DLL1: variants seen among roughly 807,000 people sequenced by gnomAD.
DLL1 encodes delta-like protein 1.
DLL1 carries 9 observed loss-of-function variants against 75.1 expected under a neutral mutation model. The observed-to-expected ratio is 0.12, with a 90% CI of 0.07 to 0.21. The LOEUF (loss-of-function observed/expected upper bound fraction) is 0.21. Among genes scored for constraint, DLL1 ranks in the 10% least tolerant of loss-of-function variants. The pLI is 1.00. For missense variants in DLL1, 837 were observed against 1,007.6 expected (o/e 0.83, Z 2.29); for synonymous variants, 477 against 418.3 (o/e 1.14, Z -1.71).
Position 170,283,298 on chromosome 6 carries a change from G to A in DLL1, c.1981C>T (p.Arg661Cys), listed in dbSNP as rs61757616. ...CCCTGGGGCTGGCACTTGGTGTCAC[G>A]CTTGCTGTGCGCGTCCCTGACGGCG... ...DTAVRDAHSKRDTKCQPQGSS... is the reference protein window; with the variant it reads ...DTAVRDAHSKCDTKCQPQGSS... Residue 661 changes from arginine to cysteine, a missense_variant, in exon 9 of 11, where the codon CGT becomes TGT. Arg to Cys is a radical substitution (Grantham distance 180). Coordinates refer to ENST00000366756, the MANE Select transcript of DLL1 (RefSeq NM_005618.4). 1,032 of 1,613,132 alleles carry A rather than the reference G, an allele frequency of 6.4e-4. 7 individuals carry two copies. Among genetic ancestry groups the A allele is most frequent in the South Asian group, 4.1e-3 (373 of 91,076 alleles).
chr6:170,286,770 G>A (rs1353748647), intron 4 of DLL1, among the ~76,000 whole-genome samples: 7 of 151,058 alleles, frequency 4.6e-5, no homozygotes, highest in East Asian at 2.0e-4. Context: ...CCGCGCCCCC[G>A]GCCCCACCTC....
Position 170,282,787 on chromosome 6 carries a change from C to A in DLL1, c.*87G>T. 1 of 1,607,056 alleles carries A rather than the reference C, an allele frequency of 6.2e-7. No homozygotes were observed. Among genetic ancestry groups the A allele is most frequent in the Non-Finnish European group, 8.5e-7 (1 of 1,175,068 alleles). On this transcript the variant is annotated 3_prime_UTR_variant, in exon 11 of 11. Coordinates refer to ENST00000366756, the MANE Select transcript of DLL1 (RefSeq NM_005618.4). ...CAGCAGCAGTCCACGAGGCCTCCCT[C>A]CTCTTCAGCAGCATTCGTTGGGGCA...
At chr6:170,289,917 C>A in intron 1 of DLL1, 109 bp from the exon 2 acceptor site, 4 of 1,345,846 alleles carry the variant, frequency 3.0e-6, no homozygotes, top group Non-Finnish European at 3.9e-6. Context: ...AGGGGCCGAG[C>A]GCGCTCGCTG....
At chr6:170,285,807 C>T in intron 5 of DLL1, 108 bp from the exon 6 acceptor site, 1 of 1,505,142 alleles carries the variant, frequency 6.6e-7, no homozygotes, top group Non-Finnish European at 9.2e-7. Context: ...GCCTCTGGTT[C>T]TCCAGATTAG....
intron 4 of DLL1, among the ~76,000 whole-genome samples, chr6:170,287,927 T>C (rs530091963): frequency 1.3e-5 from 2 of 152,144 alleles, no homozygotes; most frequent in Non-Finnish European, 2.9e-5. Flanking sequence ...CCCTCTCTAA[T>C]ACACACACCC....
chr6:170,282,346 G>C lies in DLL1; in HGVS notation c.*528C>G, dbSNP rs998709615. ...CAAAAAAATATAGTCACATAGACCC[G>C]AAGTGCCTTTGTACATATTTACCAA... On this transcript the variant is annotated 3_prime_UTR_variant, in exon 11 of 11. Transcript: ENST00000366756. The C allele has an allele frequency of 6.2e-6, 1 of 160,158 alleles. No individual in the cohort carries two copies. Among genetic ancestry groups the C allele is most frequent in the African/African-American group, 2.4e-5 (1 of 41,510 alleles). The allele number at this position is 160,158 out of a possible 1,614,324, so 9.9% of individuals were successfully genotyped here. A position where few individuals can be genotyped will look rare whatever the true frequency, so the allele number is the denominator to read the frequency against.
Position 170,284,908 on chromosome 6 carries a change from T to G in DLL1, c.1249+11A>C, listed in dbSNP as rs371489236. ...CCCGAGTCTCTGAGCAATCACCAGC[T>G]GCCCCCTTACCATTAGAACAGGGTG... On this transcript the variant is annotated intron_variant, in intron 8 of 10. Transcript: ENST00000366756. 1.9e-6 allele frequency: 3 copies of G among 1,613,246 alleles called. No individual in the cohort carries two copies. The highest frequency in any genetic ancestry group is 1.3e-5 in the African/African-American group (1 of 74,916).
At chr6:170,289,979 C>A in intron 1 of DLL1, 107 bp downstream of exon 1, 1 of 1,337,968 alleles carries the variant, frequency 7.5e-7, no homozygotes, top group South Asian at 1.8e-5. Flanking sequence ...CGGGCCGTGG[C>A]TGGCGCGGCC....
rs768416843 is a variant in DLL1 at position 170,289,495 on chromosome 6, G to C, written c.351+17C>G. 6.5e-7 allele frequency: 1 copy of C among 1,528,804 alleles called. No individual in the cohort carries two copies. 94.7% of individuals were successfully genotyped at this position (1,528,804 alleles called of 1,614,324 possible). A position where few individuals can be genotyped will look rare whatever the true frequency, so the allele number is the denominator to read the frequency against. On this transcript the variant is annotated intron_variant, in intron 2 of 10. Transcript: ENST00000366756. The stretch of plus-strand genomic sequence containing the variant: ...CAGCTTCAGGGCCGGCCCGGCGCGC[G>C]CAGGTGCGGCACTCACCGGCCAGGT...
In DLL1 at chr6:170,286,983, G is replaced by A. The variant is rs1783716002; in HGVS notation, c.671-685C>T. Among the ~76,000 whole-genome samples, 3 of 152,344 alleles carry A rather than the reference G, an allele frequency of 2.0e-5. No individual in the cohort carries two copies. In the South Asian group the frequency reaches 6.2e-4, roughly 32 times the overall value. ...TCTGGCTACCCTGTGGTGAAGAGAG[G>A]CAGGGAGGAAGGGTGGGAGGCAGCA... is the stretch of plus-strand genomic sequence containing the variant. On this transcript the variant is annotated intron_variant, in intron 4 of 10. Coordinates refer to ENST00000366756, the MANE Select transcript of DLL1 (RefSeq NM_005618.4).
chr6:170,282,877 C>T lies in DLL1; in HGVS notation c.2169G>A (p.Val723=), dbSNP rs757715624. The change falls in exon 11 of 11, where the codon GTG becomes GTA. Residue 723 remains valine (V), a splice_region_variant and synonymous_variant. Transcript: ENST00000366756. The part of the protein sequence containing the change: ...EKDECVIATE[V] Reference sequence around the variant, plus strand: ...GTCTTGCCATCTCACTTCCATTTTACACCTGGGGGGCCACAAGACAAATGG... The same window carrying T: ...GTCTTGCCATCTCACTTCCATTTTATACCTGGGGGGCCACAAGACAAATGG... 3.1e-6 allele frequency: 5 copies of T among 1,614,200 alleles called. No individual in the cohort carries two copies. In the African/African-American group the frequency reaches 4.0e-5, roughly 13 times the overall value.
Position 170,289,557 on chromosome 6 carries a change from G to T in DLL1, c.306C>A (p.Ser102=), listed in dbSNP as rs1203889275. ...GGAAGCGGATGGGGTTGCTGAACGC[G>T]GAGTCGGCGCCCCCGCCGTCGGGCA... is the stretch of plus-strand genomic sequence containing the variant. ...FSLPDGGGAD[S]AFSNPIRFPF... The change falls in exon 2 of 11, where the codon TCC becomes TCA. Residue 102 remains serine, a synonymous_variant. Transcript: ENST00000366756. The T allele has an allele frequency of 6.5e-7, 1 of 1,535,186 alleles. No individual in the cohort carries two copies. The highest frequency in any genetic ancestry group is 2.0e-5 in the Admixed American group (1 of 50,988).
intron 4 of DLL1, among the ~76,000 whole-genome samples, chr6:170,286,823 A>G (rs1783707284): frequency 6.6e-6 from 1 of 151,656 alleles, no homozygotes; most frequent in South Asian, 2.1e-4. Flanking sequence ...ACACACACAC[A>G]CACGCACACG....
Position 170,283,019 on chromosome 6 carries a change from T to C in DLL1, c.2135A>G (p.Glu712Gly). 2 of 1,614,140 alleles carry C rather than the reference T, an allele frequency of 1.2e-6. No individual in the cohort carries two copies. The highest frequency in any genetic ancestry group is 1.7e-6 in the Non-Finnish European group (2 of 1,180,032). Residue 712 changes from glutamate to glycine, a missense_variant, in exon 10 of 11, where the codon GAG becomes GGG. This residue lies in a region of DLL1 where 533 missense variants were observed against 545.7 expected (regional missense o/e 0.98). Coordinates refer to ENST00000366756, the MANE Select transcript of DLL1 (RefSeq NM_005618.4). ...TGCTATGACGCACTCATCCTTCTCC[T>C]CGGATATGACGTACACCGACTGGTA... ...TKYQSVYVIS[E>G]EKDECVIATE...
At chr6:170,287,793 A>G (rs1199399198) in intron 4 of DLL1, among the ~76,000 whole-genome samples, 1 of 152,204 alleles carries the variant, frequency 6.6e-6, no homozygotes, top group East Asian at 1.9e-4. Flanking sequence ...GGTCAAGCAC[A>G]CCAGCTCCAG....
rs1347957730 is a variant in DLL1, at chr6:170,284,909, G to A, written c.1249+10C>T. 1 of 1,613,162 alleles carries A rather than the reference G, an allele frequency of 6.2e-7. No individual in the cohort carries two copies. Among genetic ancestry groups the A allele is most frequent in the South Asian group, 1.1e-5 (1 of 91,062 alleles). On this transcript the variant is annotated intron_variant, in intron 8 of 10. Transcript: ENST00000366756. ...CCGAGTCTCTGAGCAATCACCAGCT[G>A]CCCCCTTACCATTAGAACAGGGTGA...
Position 170,290,317 on chromosome 6 carries a change from G to T in DLL1, c.-178C>A. The stretch of plus-strand genomic sequence containing the variant: ...AAAGCCGGTCTCCGCCTCTTCCCAA[G>T]GCCGCGGTTCTTTATATCCGCCCTG... On this transcript the variant is annotated 5_prime_UTR_variant, in exon 1 of 11. Coordinates refer to ENST00000366756, the MANE Select transcript of DLL1 (RefSeq NM_005618.4). The surrounding 1 kb of genome is among the most constrained non-coding windows in gnomAD (Gnocchi z 4.7). 1.7e-6 allele frequency: 1 copy of T among 593,664 alleles called. No homozygotes were observed. The allele number at this position is 593,664 out of a possible 1,614,324, so 36.8% of individuals were successfully genotyped here.
intron 4 of DLL1, among the ~76,000 whole-genome samples, chr6:170,287,435 C>T (rs551390499): frequency 3.3e-5 from 5 of 152,312 alleles, no homozygotes; most frequent in Non-Finnish European, 5.9e-5. Flanking sequence ...GACGGCCAGG[C>T]GTGCAGGCGA....
In DLL1 at chr6:170,290,161, G is replaced by A; in HGVS notation, c.-22C>T. The stretch of plus-strand genomic sequence containing the variant: ...CCATGCTGCTTCGCTCCACGCGCGA[G>A]CCTGGGGGGCCCCCACTTCTCTCCT... On this transcript the variant is annotated 5_prime_UTR_variant, in exon 1 of 11. Transcript: ENST00000366756. This position sits in a 1 kb window ranked among gnomAD's most constrained non-coding sequence, Gnocchi z 4.7. 1.9e-6 allele frequency: 3 copies of A among 1,588,772 alleles called. No individual in the cohort carries two copies. The highest frequency in any genetic ancestry group is 1.1e-5 in the South Asian group (1 of 89,688).
Sources: gnomAD v4.1 joint callset for allele counts (sites outside exome capture counted in the v4.1 genomes callset) on GRCh38, gnomAD v4.1.1 for gene constraint, gnomAD v4.1.1 regional missense constraint, Gnocchi (gnomAD v3.1) non-coding constraint, MANE v1.5 for transcripts, NCBI Gene and HGNC (gene_info 2026-07-23, HGNC 2026-07-21) for gene names.